VASH2: variants seen among roughly 807,000 people sequenced by gnomAD.
The protein encoded by VASH2 is vasohibin 2.
A neutral mutation model predicts 37.2 loss-of-function variants in VASH2; 28 were observed. That is an observed-to-expected ratio of 0.75 (90% CI 0.56 to 1.03). VASH2 has a LOEUF of 1.03. Among genes scored for constraint, VASH2 ranks in the 50% least tolerant of loss-of-function variants. The pLI is 0.00. For missense variants in VASH2, 419 were observed against 459.1 expected (o/e 0.91, Z 0.80); for synonymous variants, 188 against 174.7 (o/e 1.08, Z -0.60).
In VASH2 at chr1:212,951,401, T is replaced by C; in HGVS notation, c.-142T>C. 1 of 317,670 alleles carries C rather than the reference T, an allele frequency of 3.1e-6. No individual in the cohort carries two copies. The highest frequency in any genetic ancestry group is 4.6e-6 in the Non-Finnish European group (1 of 216,826). 19.7% of individuals were successfully genotyped at this position (317,670 alleles called of 1,614,324 possible). A position where few individuals can be genotyped will look rare whatever the true frequency, so the allele number is the denominator to read the frequency against. Reference sequence around the variant, plus strand: ...GCCGCCGCTCCCCCTTGGTGAGTCCTGCCGCAGCGAGAGGCATGGAGAAGG... The same window carrying C: ...GCCGCCGCTCCCCCTTGGTGAGTCCCGCCGCAGCGAGAGGCATGGAGAAGG... On this transcript the variant is annotated 5_prime_UTR_variant, in exon 2 of 8. Coordinates refer to ENST00000517399, the MANE Select transcript of VASH2 (RefSeq NM_001301056.2). This position sits in a 1 kb window ranked among gnomAD's most constrained non-coding sequence, Gnocchi z 4.4.
chr1:212,986,864 G>A lies in VASH2; in HGVS notation c.996-1648G>A, dbSNP rs112564119. On this transcript the variant is annotated intron_variant, in intron 7 of 7. Transcript: ENST00000517399. Reference sequence around the variant, plus strand: ...GAAATAAGAGGCATAATTCCTGACCGATAAAGGAGGGCACATGGTCAAGCT... The same window carrying A: ...GAAATAAGAGGCATAATTCCTGACCAATAAAGGAGGGCACATGGTCAAGCT... Among the ~76,000 whole-genome samples, 1,214 of 152,300 alleles carry A rather than the reference G, an allele frequency of 8.0e-3. 17 individuals carry two copies. The highest frequency in any genetic ancestry group is 0.027 in the African/African-American group (1,111 of 41,546).
Position 212,972,599 on chromosome 1 carries a change from C to A in VASH2, c.517C>A (p.Pro173Thr), listed in dbSNP as rs1206013839. The change falls in exon 6 of 8, where the codon CCT becomes ACT. Residue 173 changes from proline (P) to threonine (T), a missense_variant. Transcript: ENST00000517399. ...TCTAAGCTACTTAACCAATGGGCAG[C>A]CTTCCATTGAGCGGTTCCCCATCAG... The part of the protein sequence containing the change: ...ILGIYLTNGQ[P>T]SIERFPISFK... 3.1e-6 allele frequency: 5 copies of A among 1,613,758 alleles called. No homozygotes were observed. The highest frequency in any genetic ancestry group is 1.6e-4 in the Middle Eastern group (1 of 6,080).
chr1:212,984,657 A>AT (rs1667427444), intron 7 of VASH2, among the ~76,000 whole-genome samples: 1 of 152,252 alleles, frequency 6.6e-6, no homozygotes, highest in African/African-American at 2.4e-5. Flanking sequence ...GGAAGGCAAC[A>AT]TATGTAAGAA....
chr1:212,959,501 C>G lies in VASH2; in HGVS notation c.277-1665C>G, dbSNP rs142674784. ...TGGCTGTAATGCAGGAAGTGTGATTCTGATGAGTTTCCTTCCAGCTGAGGA... is the reference window on the plus strand; with the variant it reads ...TGGCTGTAATGCAGGAAGTGTGATTGTGATGAGTTTCCTTCCAGCTGAGGA... On this transcript the variant is annotated intron_variant, in intron 2 of 7. Coordinates refer to ENST00000517399, the MANE Select transcript of VASH2 (RefSeq NM_001301056.2). Among the ~76,000 whole-genome samples, 1,301 of 152,292 alleles carry G rather than the reference C, an allele frequency of 8.5e-3. 17 individuals are homozygous for G. Among genetic ancestry groups the G allele is most frequent in the African/African-American group, 0.03 (1,253 of 41,550 alleles).
chr1:212,972,838 C>G lies in VASH2; in HGVS notation c.756C>G (p.Val252=). The G allele has an allele frequency of 6.2e-7, 1 of 1,614,154 alleles. No individual in the cohort carries two copies. The highest frequency in any genetic ancestry group is 8.5e-7 in the Non-Finnish European group (1 of 1,180,034). ...TVKKVKIGLY[V]PHEPHSFQPI... ...AGAAGGTCAAGATTGGGCTGTACGT[C>G]CCCCATGAGCCTCATAGCTTCCAGC... Residue 252 remains valine (V), a synonymous_variant, in exon 6 of 8, where the codon GTC becomes GTG. Transcript: ENST00000517399.
At chr1:212,954,680 A>G (rs1192783505) in intron 2 of VASH2, among the ~76,000 whole-genome samples, 1 of 152,136 alleles carries the variant, frequency 6.6e-6, no homozygotes, top group African/African-American at 2.4e-5. Context: ...GGCCTCCCAA[A>G]GTACCGGGAT....
rs117849198 is a variant in VASH2, at chr1:212,959,516, C to T, written c.277-1650C>T. 1.6e-4 allele frequency among the ~76,000 whole-genome samples: 24 copies of T among 152,314 alleles called. No homozygotes were observed. The East Asian group carries it at 3.5e-3, about 22-fold the overall frequency. Reference sequence around the variant, plus strand: ...AAGTGTGATTCTGATGAGTTTCCTTCCAGCTGAGGAGGCAGTTGCTGTGAA... The same window carrying T: ...AAGTGTGATTCTGATGAGTTTCCTTTCAGCTGAGGAGGCAGTTGCTGTGAA... On this transcript the variant is annotated intron_variant, in intron 2 of 7. Coordinates refer to ENST00000517399, the MANE Select transcript of VASH2 (RefSeq NM_001301056.2).
At chr1:212,978,621 C>T (rs746713115) in intron 7 of VASH2, among the ~76,000 whole-genome samples, 3 of 152,198 alleles carry the variant, frequency 2.0e-5, no homozygotes, top group Non-Finnish European at 2.9e-5. Context: ...CCCCTGCCCT[C>T]GAGCCCTTCC....
intron 5 of VASH2, chr1:212,967,616 C>A: frequency 4.4e-6 from 1 of 229,296 alleles, no homozygotes; most frequent in African/African-American, 2.3e-5. Flanking sequence ...AGAGGTAGTT[C>A]TCCAAAGCAC....
At chr1:212,952,617 G>C (rs1402983558) in intron 2 of VASH2, 2 of 152,270 alleles carry the variant, frequency 1.3e-5, no homozygotes, top group Non-Finnish European at 2.9e-5. Context: ...CCGAGGGAGG[G>C]AGATGTACCC....
intron 7 of VASH2, among the ~76,000 whole-genome samples, chr1:212,979,036 G>A (rs1236709800): frequency 1.4e-5 from 2 of 144,906 alleles, no homozygotes; most frequent in South Asian, 2.3e-4. Flanking sequence ...TAGGAGGAGA[G>A]GGAAGAGAGG....
At chr1:212,956,051 G>A (rs913182221) in intron 2 of VASH2, among the ~76,000 whole-genome samples, 8 of 152,194 alleles carry the variant, frequency 5.3e-5, no homozygotes, top group Admixed American at 2.0e-4. Context: ...ATGACAAAAG[G>A]TTTTGAATTC....
At chr1:212,983,749 G>A (rs1667400529) in intron 7 of VASH2, among the ~76,000 whole-genome samples, 2 of 152,208 alleles carry the variant, frequency 1.3e-5, no homozygotes. Flanking sequence ...GTTGGGGAGA[G>A]CATTCTAGAC....
Position 212,973,357 on chromosome 1 carries a change from G to A in VASH2, c.879+396G>A, listed in dbSNP as rs540685417. 1.2e-4 allele frequency: 156 copies of A among 1,272,764 alleles called. 1 individual carries two copies. In the African/African-American group the frequency reaches 1.3e-3, roughly 11 times the overall value. 78.8% of individuals were successfully genotyped at this position (1,272,764 alleles called of 1,614,324 possible). Reference sequence around the variant, plus strand: ...GGCCTTATATAGACTATACTCATACGTCCCTCTTCTCTCTCTCAGTTTTAC... The same window carrying A: ...GGCCTTATATAGACTATACTCATACATCCCTCTTCTCTCTCTCAGTTTTAC... On this transcript the variant is annotated intron_variant, in intron 6 of 7. Coordinates refer to ENST00000517399, the MANE Select transcript of VASH2 (RefSeq NM_001301056.2).
intron 5 of VASH2, among the ~76,000 whole-genome samples, chr1:212,969,963 G>A (rs374827235): frequency 2.6e-5 from 4 of 152,142 alleles, no homozygotes; most frequent in East Asian, 1.9e-4. Flanking sequence ...GAGGGCATGC[G>A]CATGCTTTTA....
chr1:212,973,895 A>C (rs1007952359), intron 6 of VASH2, 60 bp from the exon 7 acceptor site: 1 of 1,571,436 alleles, frequency 6.4e-7, no homozygotes, highest in African/African-American at 1.4e-5. Context: ...TGCTAGAAGA[A>C]GACCTGAGGG....
intron 5 of VASH2, chr1:212,968,521 A>G: frequency 2.0e-6 from 2 of 985,422 alleles, no homozygotes; most frequent in Non-Finnish European, 2.4e-6. Flanking sequence ...CTGATCTGAA[A>G]CCAGATTGAC....
chr1:212,981,651 G>A (rs1269541196), intron 7 of VASH2, among the ~76,000 whole-genome samples: 1 of 152,160 alleles, frequency 6.6e-6, no homozygotes, highest in Non-Finnish European at 1.5e-5. Context: ...CTGGACTCCC[G>A]AGCCTGCAGG....
intron 7 of VASH2, 120 bp from the exon 8 acceptor site, chr1:212,988,392 T>TG (rs1376628884): frequency 1.0e-6 from 1 of 974,974 alleles, no homozygotes; most frequent in African/African-American, 1.6e-5. Context: ...GGTGGGGGAA[T>TG]GGGAGGATGA....
Sources: allele counts gnomAD v4.1 joint callset (sites outside exome capture counted in the v4.1 genomes callset), GRCh38; gene constraint gnomAD v4.1.1; non-coding constraint Gnocchi (gnomAD v3.1); transcripts MANE v1.5; gene names NCBI Gene and HGNC (gene_info 2026-07-23, HGNC 2026-07-21).